FAM131A: variants seen among roughly 807,000 people sequenced by gnomAD.
The protein encoded by FAM131A is protein FAM131A.
Under a neutral mutation model 39.2 loss-of-function variants are expected in FAM131A, and 24 were observed. That is an observed-to-expected ratio of 0.61 (90% confidence interval 0.44 to 0.86). FAM131A has a LOEUF of 0.86. FAM131A is among the 40% of genes least tolerant of loss of function. FAM131A has a pLI of 0.00. For missense variants in FAM131A, 373 were observed against 481.2 expected (o/e 0.78, Z 2.10); for synonymous variants, 202 against 206.8 (o/e 0.98, Z 0.20).
chr3:184,342,223 C>G lies in FAM131A; in HGVS notation c.483C>G (p.Gly161=). 1 of 1,608,220 alleles carries G rather than the reference C, an allele frequency of 6.2e-7. No homozygotes were observed. Among genetic ancestry groups the G allele is most frequent in the Non-Finnish European group, 8.5e-7 (1 of 1,175,498 alleles). The part of the protein sequence containing the change: ...AFSSYSDLSE[G]EQEARFAAGV... ...CCTCCTATTCAGACCTCAGCGAGGG[C>G]GAACAAGAGGCTCGCTTTGCAGCAG... The change falls in exon 4 of 6, where the codon GGC becomes GGG. Residue 161 remains glycine (G), a synonymous_variant. Coordinates refer to ENST00000383847, the MANE Select transcript of FAM131A (RefSeq NM_144635.5). This position sits in a 1 kb window ranked among gnomAD's most constrained non-coding sequence, Gnocchi z 4.6.
chr3:184,338,347 A>T lies in FAM131A; in HGVS notation c.89-40A>T, dbSNP rs149554716. On this transcript the variant is annotated intron_variant, in intron 1 of 5. Coordinates refer to ENST00000383847, the MANE Select transcript of FAM131A (RefSeq NM_144635.5). ...GGATGAAAATGGGGATCTCTGCAGA[A>T]GTAGGGGCACAGCTCAACAGCCTTT... 1.2e-3 allele frequency: 1,746 copies of T among 1,415,222 alleles called. 2 individuals carry two copies. Among genetic ancestry groups the T allele is most frequent in the Non-Finnish European group, 1.5e-3 (1,645 of 1,087,680 alleles). 87.7% of individuals were successfully genotyped at this position (1,415,222 alleles called of 1,614,324 possible). A position where few individuals can be genotyped will look rare whatever the true frequency, so the allele number is the denominator to read the frequency against.
upstream of FAM131A, among the ~76,000 whole-genome samples, chr3:184,336,557 A>T (rs78770417): frequency 0.022 from 3,398 of 152,254 alleles, 58 homozygotes; most frequent in Middle Eastern, 0.037. This position sits in a 1 kb window ranked among gnomAD's most constrained non-coding sequence, Gnocchi z 5.5. Context: ...TGCTTCTCCC[A>T]GCCGTGTCCC....
intron 5 of FAM131A, among the ~76,000 whole-genome samples, chr3:184,344,270 C>G (rs1002782147): frequency 6.6e-6 from 1 of 152,202 alleles, no homozygotes; most frequent in African/African-American, 2.4e-5. Flanking sequence ...CAGGCGTGAG[C>G]CACCGCACCC....
chr3:184,344,839 C>G lies in FAM131A; in HGVS notation c.970C>G (p.Pro324Ala), dbSNP rs746890853. ...CLSPAEEEPA[P>A]CKDCQPLCPP... ...TTCCCCCGCGGAGGAGGAGCCAGCC[C>G]CCTGCAAGGACTGCCAGCCACTCTG... is the stretch of plus-strand genomic sequence containing the variant. Residue 324 changes from proline to alanine, a missense_variant, in exon 6 of 6, where the codon CCC becomes GCC. Around this residue, in one of 2 missense-constraint regions of FAM131A, gnomAD observed 152 missense variants for 133.5 expected, o/e 1.14. Transcript: ENST00000383847. 6.2e-7 allele frequency: 1 copy of G among 1,611,526 alleles called. No individual in the cohort carries two copies. Among genetic ancestry groups the G allele is most frequent in the Non-Finnish European group, 8.5e-7 (1 of 1,179,868 alleles).
At position 184,342,369 on chromosome 3, in the gene FAM131A, GCAATCT is replaced by G; in HGVS notation, c.508+124_508+129del. On this transcript the variant is annotated intron_variant, in intron 4 of 5. Transcript: ENST00000383847. This position sits in a 1 kb window ranked among gnomAD's most constrained non-coding sequence, Gnocchi z 4.6. Reference sequence around the variant, plus strand: ...GTCGCCCAGGCTGGAGTGCAGTGATGCAATCTCAGCTCACTGCAACCTCTGCCACCC... The same window carrying G: ...GTCGCCCAGGCTGGAGTGCAGTGATGCAGCTCACTGCAACCTCTGCCACCC... 2.5e-6 allele frequency: 3 copies of G among 1,198,630 alleles called. No homozygotes were observed. Among genetic ancestry groups the G allele is most frequent in the Non-Finnish European group, 3.4e-6 (3 of 886,116 alleles). The allele number at this position is 1,198,630 out of a possible 1,614,324, so 74.2% of individuals were successfully genotyped here.
In FAM131A at chr3:184,344,477, TTTCTC is replaced by T; in HGVS notation, c.626-12_626-8del. ...AATGGAGCCAGCAGGACTGTCTTCT[TTTCTC>T]TTCTCCTCACAGACATGGCTGGGCA... On this transcript the variant is annotated splice_polypyrimidine_tract_variant and intron_variant, in intron 5 of 5. Transcript: ENST00000383847. 1 of 1,514,636 alleles carries T rather than the reference TTTCTC, an allele frequency of 6.6e-7. No individual in the cohort carries two copies. Among genetic ancestry groups the T allele is most frequent in the South Asian group, 1.3e-5 (1 of 75,216 alleles). 93.8% of individuals were successfully genotyped at this position (1,514,636 alleles called of 1,614,324 possible).
At position 184,344,071 on chromosome 3, in the gene FAM131A, C is replaced by T. The variant is rs139094098; in HGVS notation, c.626-424C>T. 9.0e-3 allele frequency among the ~76,000 whole-genome samples: 1,364 copies of T among 152,246 alleles called. 25 individuals carry two copies. Among genetic ancestry groups the T allele is most frequent in the African/African-American group, 0.031 (1,300 of 41,518 alleles). On this transcript the variant is annotated intron_variant, in intron 5 of 5. Coordinates refer to ENST00000383847, the MANE Select transcript of FAM131A (RefSeq NM_144635.5). ...CACGATCTCGGCTCACTGCAACCTC[C>T]GCCTCCCAGGTTCAAGTGATTCTCC...
chr3:184,343,384 C>T (rs1244535190), intron 5 of FAM131A, among the ~76,000 whole-genome samples: 4 of 152,236 alleles, frequency 2.6e-5, no homozygotes, highest in African/African-American at 4.8e-5. Flanking sequence ...AGCCCGTGGG[C>T]CTTTCTCTGG....
rs989269114 is a variant in FAM131A, at chr3:184,338,488, T to C, written c.190T>C (p.Ser64Pro). ...SARTLRGWSRSSRPSSVDSQD... is the reference protein window; with the variant it reads ...SARTLRGWSRPSRPSSVDSQD... ...TCGAACCCTCCGAGGCTGGAGCAGG[T>C]CCTCCCGCCCTTCCTCGGTGGACAG... The change falls in exon 2 of 6, where the codon TCC (serine) becomes CCC (proline). Residue 64 changes from serine (S) to proline (P), a missense_variant. Coordinates refer to ENST00000383847, the MANE Select transcript of FAM131A (RefSeq NM_144635.5). 1 of 1,536,182 alleles carries C rather than the reference T, an allele frequency of 6.5e-7. No homozygotes were observed. Among genetic ancestry groups the C allele is most frequent in the African/African-American group, 1.4e-5 (1 of 73,054 alleles).
rs535500438 is a variant in FAM131A, at chr3:184,345,375, C to T, written c.*405C>T. The T allele has an allele frequency of 6.2e-5, 38 of 611,926 alleles. No individual in the cohort carries two copies. The African/African-American group carries it at 6.7e-4, about 11-fold the overall frequency. 37.9% of individuals were successfully genotyped at this position (611,926 alleles called of 1,614,324 possible). A position where few individuals can be genotyped will look rare whatever the true frequency, so the allele number is the denominator to read the frequency against. On this transcript the variant is annotated 3_prime_UTR_variant, in exon 6 of 6. Coordinates refer to ENST00000383847, the MANE Select transcript of FAM131A (RefSeq NM_144635.5). ...CCCCCCACCCTCCCCATGCCTCTCTCTTCTCTGCTTTTCTTCTCACTTCCG... is the reference window on the plus strand; with the variant it reads ...CCCCCCACCCTCCCCATGCCTCTCTTTTCTCTGCTTTTCTTCTCACTTCCG...
Position 184,344,973 on chromosome 3 carries a change from C to G in FAM131A, c.*3C>G. 6.5e-7 allele frequency: 1 copy of G among 1,534,488 alleles called. No individual in the cohort carries two copies. The highest frequency in any genetic ancestry group is 8.8e-7 in the Non-Finnish European group (1 of 1,142,816). On this transcript the variant is annotated 3_prime_UTR_variant, in exon 6 of 6. Coordinates refer to ENST00000383847, the MANE Select transcript of FAM131A (RefSeq NM_144635.5). The stretch of plus-strand genomic sequence containing the variant: ...AGGCAGAGCCAGAGGAACAGTGACC[C>G]ACATCATGCCTGGCAGTGGCATGCA...
In FAM131A at chr3:184,345,205, CCT is replaced by C. The variant is rs969404057; in HGVS notation, c.*238_*239del. On this transcript the variant is annotated 3_prime_UTR_variant, in exon 6 of 6. Transcript: ENST00000383847. ...GGGGCTTGCCGGGGGTTGCCCGGGG[CCT>C]CTGGGGCATGGCTACAGCTGTGGCA... 3 of 580,406 alleles carry C rather than the reference CCT, an allele frequency of 5.2e-6. No individual in the cohort carries two copies. In the African/African-American group the frequency reaches 5.6e-5, roughly 11 times the overall value. 36.0% of individuals were successfully genotyped at this position (580,406 alleles called of 1,614,324 possible). A position where few individuals can be genotyped will look rare whatever the true frequency, so the allele number is the denominator to read the frequency against.
At position 184,344,631 on chromosome 3, in the gene FAM131A, C is replaced by T. The variant is rs760655033; in HGVS notation, c.762C>T (p.Cys254=). 1.2e-6 allele frequency: 2 copies of T among 1,613,090 alleles called. No individual in the cohort carries two copies. Among genetic ancestry groups the T allele is most frequent in the South Asian group, 2.2e-5 (2 of 91,064 alleles). The change falls in exon 6 of 6, where the codon TGC becomes TGT. Residue 254 remains cysteine (C), a synonymous_variant. Coordinates refer to ENST00000383847, the MANE Select transcript of FAM131A (RefSeq NM_144635.5). ...AGACCGTGTCCCCAGACACCCTGTG[C>T]TCTAGTCTGTGCAGCCTGGAGGATG... ...CSQTVSPDTL[C]SSLCSLEDGL...
intron 1 of FAM131A, 30 bp from the exon 2 acceptor site, chr3:184,338,357 C>A: frequency 7.0e-7 from 1 of 1,419,422 alleles, no homozygotes; most frequent in Non-Finnish European, 9.2e-7. Context: ...AGTAGGGGCA[C>A]AGCTCAACAG....
At position 184,345,455 on chromosome 3, in the gene FAM131A, C is replaced by A. The variant is rs1047421339; in HGVS notation, c.*485C>A. On this transcript the variant is annotated 3_prime_UTR_variant, in exon 6 of 6. Transcript: ENST00000383847. ...CCCCACCTGGAGGGGCTGGCTCCTG[C>A]CCTCCCGGAGCCTATGGGTTGAGCC... is the stretch of plus-strand genomic sequence containing the variant. The A allele has an allele frequency of 8.7e-6, 6 of 691,182 alleles. No individual in the cohort carries two copies. The African/African-American group carries it at 1.1e-4, about 12-fold the overall frequency. 42.8% of individuals were successfully genotyped at this position (691,182 alleles called of 1,614,324 possible).
chr3:184,342,627 C>CGGGTCTGACATGGGGGTTG lies in FAM131A; in HGVS notation c.509-115_509-97dup. On this transcript the variant is annotated intron_variant, in intron 4 of 5. Transcript: ENST00000383847. The surrounding 1 kb of genome is among the most constrained non-coding windows in gnomAD (Gnocchi z 4.6). ...GGCCAGGGCTGCTTTCTTATCTCCT[C>CGGGTCTGACATGGGGGTTG]GGGTCTGACATGGGGGTTGGAGTCT... 1 of 889,766 alleles carries CGGGTCTGACATGGGGGTTG rather than the reference C, an allele frequency of 1.1e-6. No homozygotes were observed. Among genetic ancestry groups the CGGGTCTGACATGGGGGTTG allele is most frequent in the Non-Finnish European group, 1.7e-6 (1 of 579,386 alleles). 55.1% of individuals were successfully genotyped at this position (889,766 alleles called of 1,614,324 possible).
rs760547288 is a variant in FAM131A, at chr3:184,341,790, G to A, written c.298G>A (p.Ala100Thr). The change falls in exon 3 of 6, where the codon GCT becomes ACT. Residue 100 changes from alanine to threonine, a missense_variant. Ala to Thr is a moderately conservative substitution (Grantham distance 58). This residue lies in a region of FAM131A where 221 missense variants were observed against 347.7 expected (regional missense o/e 0.64). Transcript: ENST00000383847. ...GCGAGCCCTAACTATCCAGGAGATC[G>A]CTGCGCTGGCCAGGTCCTCCCTGCA... ...SRRALTIQEI[A>T]ALARSSLHGI... 1 of 1,613,824 alleles carries A rather than the reference G, an allele frequency of 6.2e-7. No individual in the cohort carries two copies. Among genetic ancestry groups the A allele is most frequent in the Non-Finnish European group, 8.5e-7 (1 of 1,180,036 alleles).
At position 184,338,497 on chromosome 3, in the gene FAM131A, C is replaced by T; in HGVS notation, c.199C>T (p.Pro67Ser). 6.5e-7 allele frequency: 1 copy of T among 1,536,384 alleles called. No homozygotes were observed. The highest frequency in any genetic ancestry group is 8.7e-7 in the Non-Finnish European group (1 of 1,146,586). Residue 67 changes from proline (P) to serine (S), a missense_variant, in exon 2 of 6, where the codon CCT (proline) becomes TCT (serine). By Grantham distance (74) the Pro-to-Ser change is moderately conservative. Coordinates refer to ENST00000383847, the MANE Select transcript of FAM131A (RefSeq NM_144635.5). The stretch of plus-strand genomic sequence containing the variant: ...CCGAGGCTGGAGCAGGTCCTCCCGC[C>T]CTTCCTCGGTGGACAGTCAGGACTT... ...TLRGWSRSSR[P>S]SSVDSQDLPE...
chr3:184,341,673 G>A, intron 2 of FAM131A, 51 bp from the exon 3 acceptor site: 1 of 1,513,046 alleles, frequency 6.6e-7, no homozygotes, highest in East Asian at 2.3e-5. Flanking sequence ...ATGTTAGGGG[G>A]AAGGTCATTG....
Sources: allele counts gnomAD v4.1 joint callset (sites outside exome capture counted in the v4.1 genomes callset), GRCh38; gene constraint gnomAD v4.1.1; regional missense constraint gnomAD v4.1.1; non-coding constraint Gnocchi (gnomAD v3.1); transcripts MANE v1.5; gene names NCBI Gene and HGNC (gene_info 2026-07-23, HGNC 2026-07-21).